The following WDR11 variants were observed in gnomAD, a reference collection of about 807,000 sequenced individuals.
WDR11 encodes WD repeat-containing protein 11.
In WDR11, 83 loss-of-function variants were observed where a neutral mutation model predicts 151.2. The observed-to-expected ratio is 0.55, with a 90% CI of 0.46 to 0.66. The LOEUF (loss-of-function observed/expected upper bound fraction) is 0.66. Among genes scored for constraint, WDR11 ranks in the 30% least tolerant of loss-of-function variants. WDR11 has a pLI of 0.00. For missense variants in WDR11, 1,301 were observed against 1,480.9 expected, an observed-to-expected ratio of 0.88 and a Z score of 1.99; for synonymous variants, 484 against 533.1, an observed-to-expected ratio of 0.91 and a Z score of 1.27.
intron 21 of WDR11, among the ~76,000 whole-genome samples, 180 bp from the exon 22 acceptor site, chr10:120,902,077 A>C (rs1355174685): frequency 1.3e-5 from 2 of 152,162 alleles, no homozygotes. Context: ...CCTTGAGAAC[A>C]CTCTCAGCCC....
At chr10:120,902,406 T>TAA (rs1459971745) in intron 22 of WDR11, 84 bp downstream of exon 22, 2 of 1,186,720 alleles carry the variant, frequency 1.7e-6, no homozygotes, top group African/African-American at 3.0e-5. Flanking sequence ...TAGAAACACT[T>TAA]AGATTTTAGA....
At position 120,866,327 on chromosome 10, in the gene WDR11, A is replaced by G. The variant is rs73368178; in HGVS notation, c.995-242A>G. ...TTTTTCAAAGTATCGTCTTTATTTT[A>G]AAATATTGAAAAAAGATATCTTGAT... On this transcript the variant is annotated intron_variant, in intron 7 of 28. Coordinates refer to ENST00000263461, the MANE Select transcript of WDR11 (RefSeq NM_018117.12). 9.1e-3 allele frequency among the ~76,000 whole-genome samples: 1,369 copies of G among 151,258 alleles called. 20 individuals carry two copies. Among genetic ancestry groups the G allele is most frequent in the African/African-American group, 0.032 (1,311 of 41,510 alleles).
At chr10:120,908,131 C>CAACA (rs1848137913) in intron 28 of WDR11, 1 of 209,022 alleles carries the variant, frequency 4.8e-6, no homozygotes, top group South Asian at 8.7e-5. Flanking sequence ...TCTAAAAACC[C>CAACA]AACAACCAGA....
At chr10:120,879,585 G>A (rs80349000) in intron 12 of WDR11, 5 of 152,296 alleles carry the variant, frequency 3.3e-5, no homozygotes, top group African/African-American at 1.2e-4. Context: ...GCTTTGCACA[G>A]ATGTATTTTT....
At chr10:120,905,462 G>A (rs1215790473) in intron 26 of WDR11, 46 bp downstream of exon 26, 8 of 1,596,324 alleles carry the variant, frequency 5.0e-6, no homozygotes, top group Non-Finnish European at 6.0e-6. Flanking sequence ...ATTCGGGATA[G>A]AAAGCTCAGT....
At chr10:120,881,657 ATTAT>A (rs1847011439) in intron 13 of WDR11, among the ~76,000 whole-genome samples, 1 of 152,034 alleles carries the variant, frequency 6.6e-6, no homozygotes, top group Non-Finnish European at 1.5e-5. Flanking sequence ...TTAAATTTCA[ATTAT>A]TTATTATTTG....
chr10:120,899,714 C>T lies in WDR11; in HGVS notation c.2516-315C>T, dbSNP rs1050072329. ...AGGAGAATCGCTTGAACCCGGGAGG[C>T]GGAGGTTGCTGTGAGCCGAGATCGC... On this transcript the variant is annotated intron_variant, in intron 19 of 28. Transcript: ENST00000263461. The T allele has an allele frequency of 7.0e-5, 22 of 315,666 alleles. No homozygotes were observed. In the Admixed American group the frequency reaches 7.6e-4, roughly 11 times the overall value. 19.6% of individuals were successfully genotyped at this position (315,666 alleles called of 1,614,324 possible).
intron 22 of WDR11, 23 bp downstream of exon 22, chr10:120,902,345 G>T: frequency 6.2e-7 from 1 of 1,601,316 alleles, no homozygotes; most frequent in African/African-American, 1.3e-5. Flanking sequence ...GATGTATTCT[G>T]TATAAGAGAC....
At chr10:120,907,038 G>A (rs979631990) in intron 28 of WDR11, among the ~76,000 whole-genome samples, 183 bp downstream of exon 28, 2 of 152,206 alleles carry the variant, frequency 1.3e-5, no homozygotes, top group African/African-American at 4.8e-5. Flanking sequence ...AATCAGATAA[G>A]AAGGTGGCTG....
intron 19 of WDR11, among the ~76,000 whole-genome samples, chr10:120,893,005 T>G (rs1214021778): frequency 6.6e-6 from 1 of 151,844 alleles, no homozygotes; most frequent in Non-Finnish European, 1.5e-5. Context: ...CCCCAGTGTT[T>G]TTTTTTTTTA....
chr10:120,903,878 T>C (rs994833186), intron 23 of WDR11, among the ~76,000 whole-genome samples, 169 bp from the exon 24 acceptor site: 9 of 152,176 alleles, frequency 5.9e-5, no homozygotes, highest in Non-Finnish European at 1.3e-4. Flanking sequence ...TATCAACATT[T>C]TTGCTGTTCA....
At chr10:120,890,246 C>CT (rs1847383454) in intron 18 of WDR11, among the ~76,000 whole-genome samples, 1 of 151,926 alleles carries the variant, frequency 6.6e-6, no homozygotes, top group South Asian at 2.1e-4. Flanking sequence ...GAGTTTCACT[C>CT]TTGTCGCCCA....
At chr10:120,881,010 T>G (rs1389251628) in intron 13 of WDR11, 109 bp downstream of exon 13, 2 of 955,798 alleles carry the variant, frequency 2.1e-6, no homozygotes, top group African/African-American at 3.3e-5. Flanking sequence ...TGGAATCTTT[T>G]TAGTGATAGC....
rs774444587 is a variant in WDR11 at position 120,880,920 on chromosome 10, A to G, written c.1739+19A>G. 3.2e-6 allele frequency: 5 copies of G among 1,575,072 alleles called. No individual in the cohort carries two copies. Among genetic ancestry groups the G allele is most frequent in the Non-Finnish European group, 4.3e-6 (5 of 1,155,258 alleles). The stretch of plus-strand genomic sequence containing the variant: ...ATTTGAAGTAAGTGTCAACCTAAAA[A>G]AAAATCTATGGTGTTATCACAATGA... On this transcript the variant is annotated intron_variant, in intron 13 of 28. Coordinates refer to ENST00000263461, the MANE Select transcript of WDR11 (RefSeq NM_018117.12).
In WDR11 at chr10:120,862,796, C is replaced by T; in HGVS notation, c.588C>T (p.Gly196=). The part of the protein sequence containing the change: ...SDFSPSKPPS[G]PGKKVYISSP... Reference sequence around the variant, plus strand: ...TCTCCCCATCCAAGCCTCCCTCAGGCCCTGGGAAAAAAGTTTACATATCCA... The same window carrying T: ...TCTCCCCATCCAAGCCTCCCTCAGGTCCTGGGAAAAAAGTTTACATATCCA... The change falls in exon 5 of 29, where the codon GGC becomes GGT. Residue 196 remains glycine, a synonymous_variant. Transcript: ENST00000263461. 1 of 1,614,110 alleles carries T rather than the reference C, an allele frequency of 6.2e-7. No individual in the cohort carries two copies. The highest frequency in any genetic ancestry group is 8.5e-7 in the Non-Finnish European group (1 of 1,180,024).
intron 11 of WDR11, among the ~76,000 whole-genome samples, chr10:120,876,604 TTC>T (rs1465889212): frequency 4.6e-5 from 7 of 152,032 alleles, no homozygotes; most frequent in Non-Finnish European, 1.5e-5. Context: ...CTGCTGAATC[TTC>T]TCTCTCTCTC....
At chr10:120,892,132 A>G (rs1489537391) in intron 19 of WDR11, among the ~76,000 whole-genome samples, 1 of 152,222 alleles carries the variant, frequency 6.6e-6, no homozygotes, top group East Asian at 1.9e-4. Context: ...TTCACTTTTA[A>G]TATAAAATTT....
At chr10:120,885,596 A>T (rs1847190893) in intron 14 of WDR11, among the ~76,000 whole-genome samples, 1 of 152,118 alleles carries the variant, frequency 6.6e-6, no homozygotes, top group African/African-American at 2.4e-5. Context: ...TAAAAACATC[A>T]AAAGGTCAGA....
intron 19 of WDR11, among the ~76,000 whole-genome samples, chr10:120,893,208 C>T (rs1378678681): frequency 6.7e-6 from 1 of 148,634 alleles, no homozygotes; most frequent in Non-Finnish European, 1.5e-5. Context: ...TGTTCCCCTT[C>T]CTGTGTCCAT....
Sources: gnomAD v4.1 joint callset for allele counts (sites outside exome capture counted in the v4.1 genomes callset) on GRCh38, gnomAD v4.1.1 for gene constraint, MANE v1.5 for transcripts, NCBI Gene and HGNC (gene_info 2026-07-23, HGNC 2026-07-21) for gene names.